The following SCD5 variants were observed in gnomAD, a reference collection of about 807,000 sequenced individuals.
SCD5 encodes stearoyl-CoA desaturase 5, also known as acyl-CoA-desaturase 4.
In SCD5, 20 loss-of-function variants were observed where a neutral mutation model predicts 30.4. The observed-to-expected ratio is 0.66, with a 90% CI of 0.46 to 0.96. The LOEUF (loss-of-function observed/expected upper bound fraction) is 0.96, where lower values mean the gene tolerates loss of function less well. SCD5 is among the 40% of genes least tolerant of loss of function. The pLI, the probability that SCD5 is intolerant of heterozygous loss-of-function variation, is 0.00. For synonymous variants in SCD5, 173 were observed against 176.4 expected (o/e 0.98, Z 0.16); for missense variants, 381 against 443.3 (o/e 0.86, Z 1.26).
At chr4:82,708,344 A>G (rs986949605) in intron 1 of SCD5, among the ~76,000 whole-genome samples, 6 of 152,160 alleles carry the variant, frequency 3.9e-5, no homozygotes, top group African/African-American at 1.2e-4. Context: ...CCCGTCCCAA[A>G]ACAGAACAAA....
chr4:82,733,317 C>T lies in SCD5; in HGVS notation c.233-27904G>A, dbSNP rs189393894. ...GAGCACAGGCAAGCTAGCTCTGGTG[C>T]CCTGTTACGATGCACAGAGCACAGT... is the stretch of plus-strand genomic sequence containing the variant. On this transcript the variant is annotated intron_variant, in intron 1 of 4. Coordinates refer to ENST00000319540, the MANE Select transcript of SCD5 (RefSeq NM_001037582.3). Among the ~76,000 whole-genome samples, 263 of 152,260 alleles carry T rather than the reference C, an allele frequency of 1.7e-3. 1 individual carries two copies. The highest frequency in any genetic ancestry group is 6.1e-3 in the African/African-American group (255 of 41,548).
At chr4:82,681,903 G>A (rs1560532575) in intron 2 of SCD5, among the ~76,000 whole-genome samples, 1 of 152,160 alleles carries the variant, frequency 6.6e-6, no homozygotes. Flanking sequence ...TCACTTTGGT[G>A]TTCTTCATGT....
chr4:82,798,571 G>C lies in SCD5; in HGVS notation c.-34C>G. 6.5e-7 allele frequency: 1 copy of C among 1,528,516 alleles called. No homozygotes were observed. The highest frequency in any genetic ancestry group is 8.8e-7 in the Non-Finnish European group (1 of 1,137,232). The allele number at this position is 1,528,516 out of a possible 1,614,324, so 94.7% of individuals were successfully genotyped here. ...GAGGTGGGCGCCCGCAGCAGCGGCAGGCAGGCAGGCGCTCTGCCCGAGCGG... is the reference window on the plus strand; with the variant it reads ...GAGGTGGGCGCCCGCAGCAGCGGCACGCAGGCAGGCGCTCTGCCCGAGCGG... On this transcript the variant is annotated 5_prime_UTR_variant, in exon 1 of 5. Transcript: ENST00000319540.
intron 3 of SCD5, among the ~76,000 whole-genome samples, chr4:82,663,555 AG>A (rs1245748390): frequency 6.6e-6 from 1 of 152,152 alleles, no homozygotes; most frequent in East Asian, 1.9e-4. Context: ...TTTATGCCTG[AG>A]GTTGCAAGTT....
At chr4:82,768,627 A>G (rs192466621) in intron 1 of SCD5, among the ~76,000 whole-genome samples, 114 of 152,320 alleles carry the variant, frequency 7.5e-4, no homozygotes, top group African/African-American at 2.7e-3. Flanking sequence ...ATCTAGCGAG[A>G]GTAAGATTAG....
chr4:82,676,847 A>G (rs1322516077), intron 3 of SCD5, among the ~76,000 whole-genome samples: 1 of 152,226 alleles, frequency 6.6e-6, no homozygotes, highest in African/African-American at 2.4e-5. Context: ...CTGCCTTTAC[A>G]CAATTTACAC....
At chr4:82,672,796 C>A (rs1175207917) in intron 3 of SCD5, among the ~76,000 whole-genome samples, 1 of 151,982 alleles carries the variant, frequency 6.6e-6, no homozygotes, top group African/African-American at 2.4e-5. Context: ...AAATCTTCAA[C>A]AAAATGTTAG....
chr4:82,639,299 G>A (rs1318078905), intron 3 of SCD5, among the ~76,000 whole-genome samples: 1 of 152,118 alleles, frequency 6.6e-6, no homozygotes, highest in African/African-American at 2.4e-5. Context: ...CCTTAGAGGT[G>A]GCCTTCTAGA....
At chr4:82,771,319 TCTCA>T (rs1345516520) in intron 1 of SCD5, among the ~76,000 whole-genome samples, 2 of 152,098 alleles carry the variant, frequency 1.3e-5, no homozygotes, top group Non-Finnish European at 2.9e-5. Context: ...CCATCTCACT[TCTCA>T]CTCCTTTCAG....
At chr4:82,701,154 T>C (rs951591655) in intron 2 of SCD5, among the ~76,000 whole-genome samples, 1 of 152,164 alleles carries the variant, frequency 6.6e-6, no homozygotes, top group African/African-American at 2.4e-5. Flanking sequence ...TATTATGAAG[T>C]GGTACAGTGT....
At chr4:82,774,977 G>A (rs190144798) in intron 1 of SCD5, among the ~76,000 whole-genome samples, 12 of 152,204 alleles carry the variant, frequency 7.9e-5, no homozygotes. Context: ...TCTCTGCAGC[G>A]GCCAGTCTTT....
intron 3 of SCD5, among the ~76,000 whole-genome samples, chr4:82,674,973 G>A (rs1023241867): frequency 1.8e-4 from 28 of 152,302 alleles, no homozygotes; most frequent in Middle Eastern, 3.4e-3. Flanking sequence ...CTTGGGGGAA[G>A]AGAGCGATGA....
intron 1 of SCD5, among the ~76,000 whole-genome samples, chr4:82,788,129 C>T (rs1722023627): frequency 6.6e-6 from 1 of 152,132 alleles, no homozygotes; most frequent in Admixed American, 6.5e-5. Context: ...AAAGAAGGCA[C>T]CATATATGAA....
chr4:82,794,521 C>T (rs1384916588), intron 1 of SCD5, among the ~76,000 whole-genome samples: 3 of 152,212 alleles, frequency 2.0e-5, no homozygotes, highest in East Asian at 1.9e-4. Context: ...TCACTCCCTG[C>T]TCTACCCATC....
chr4:82,698,285 A>C (rs945425150), intron 2 of SCD5, among the ~76,000 whole-genome samples: 6 of 152,162 alleles, frequency 3.9e-5, no homozygotes, highest in Admixed American at 1.3e-4. Flanking sequence ...CCTGAGCTGC[A>C]CTAAAGTTCT....
chr4:82,668,938 A>G (rs963220914), intron 3 of SCD5, among the ~76,000 whole-genome samples: 3 of 152,212 alleles, frequency 2.0e-5, no homozygotes, highest in Admixed American at 2.0e-4. Flanking sequence ...CAGATAACCA[A>G]CCAAGGCTTT....
rs200772837 is a variant in SCD5 at position 82,766,155 on chromosome 4, AT to A, written c.232+32150del. ...AATTTTTTAAATCAAATTTGAAAAT[AT>A]TTTAGCCAGTGTTTCTTCAAATATT... On this transcript the variant is annotated intron_variant, in intron 1 of 4. Coordinates refer to ENST00000319540, the MANE Select transcript of SCD5 (RefSeq NM_001037582.3). 6.5e-3 allele frequency among the ~76,000 whole-genome samples: 983 copies of A among 152,296 alleles called. 11 individuals are homozygous for A. Among genetic ancestry groups the A allele is most frequent in the African/African-American group, 0.023 (935 of 41,544 alleles).
At chr4:82,748,641 G>A (rs17006265) in intron 1 of SCD5, among the ~76,000 whole-genome samples, 3,227 of 152,280 alleles carry the variant, frequency 0.021, 111 homozygotes, top group African/African-American at 0.073. Flanking sequence ...TCTGCAGATG[G>A]TTACCCACTA....
At chr4:82,767,230 C>T (rs1323200329) in intron 1 of SCD5, among the ~76,000 whole-genome samples, 1 of 150,162 alleles carries the variant, frequency 6.7e-6, no homozygotes, top group Non-Finnish European at 1.5e-5. Context: ...ACAGCATTTT[C>T]CCTCTGTCTC....
Sources: allele counts gnomAD v4.1 joint callset (sites outside exome capture counted in the v4.1 genomes callset), GRCh38; gene constraint gnomAD v4.1.1; transcripts MANE v1.5; gene names NCBI Gene and HGNC (gene_info 2026-07-23, HGNC 2026-07-21).